Variants in TENM2 observed in about 807,000 individuals in gnomAD.
TENM2 encodes teneurin-2.
TENM2 carries 52 observed loss-of-function variants against 245.2 expected under a neutral mutation model. The ratio of observed to expected loss-of-function variants is 0.21; its 90% CI spans 0.17 to 0.27. The LOEUF (loss-of-function observed/expected upper bound fraction) is 0.27. TENM2 is among the 10% of genes least tolerant of loss of function. The probability of loss-of-function intolerance (pLI) is 1.00; values close to 1 mark genes in which losing one functional copy is unlikely to be tolerated. For missense variants in TENM2, 3,046 were observed against 3,666.8 expected (o/e 0.83, Z 4.37); for synonymous variants, 1,363 against 1,438.9 (o/e 0.95, Z 1.19).
chr5:167,649,630 G>A (rs935909408), intron 2 of TENM2, among the ~76,000 whole-genome samples: 9 of 152,086 alleles, frequency 5.9e-5, no homozygotes, highest in African/African-American at 1.9e-4. Context: ...AAGCGGTGCT[G>A]TAATGGGACT....
intron 2 of TENM2, among the ~76,000 whole-genome samples, chr5:167,820,373 C>T (rs138603751): frequency 6.6e-6 from 1 of 152,282 alleles, no homozygotes; most frequent in Admixed American, 6.5e-5. Context: ...TTTGTGCAGG[C>T]TTGCTGAGGA....
rs778080326 is a variant in TENM2 at position 168,215,088 on chromosome 5, C to A, written c.3894C>A (p.Gly1298=). The change falls in exon 21 of 29, where the codon GGC becomes GGA. Residue 1298 remains glycine, a synonymous_variant. Transcript: ENST00000518659. ...ACTTGGCAGTGGACCCCGTGTCCGG[C>A]TCGCTCTACGTGTCCGACACCAACA... 9 of 1,613,884 alleles carry A rather than the reference C, an allele frequency of 5.6e-6. No homozygotes were observed. The South Asian group carries it at 9.9e-5, about 18-fold the overall frequency.
intron 2 of TENM2, among the ~76,000 whole-genome samples, chr5:167,841,425 AC>A (rs1769506878): frequency 1.3e-5 from 2 of 152,122 alleles, no homozygotes; most frequent in Admixed American, 1.3e-4. Flanking sequence ...TGGAAAAAAC[AC>A]CCTTATGCCT....
At chr5:168,195,107 A>C in intron 14 of TENM2, 69 bp from the exon 17 acceptor site, 2 of 1,540,254 alleles carry the variant, frequency 1.3e-6, no homozygotes, top group Non-Finnish European at 1.8e-6. Flanking sequence ...ATGAGGGAGC[A>C]GAGGCAGTGG....
chr5:167,721,878 C>T, intron 2 of TENM2, among the ~76,000 whole-genome samples: 1 of 152,114 alleles, frequency 6.6e-6, no homozygotes, highest in South Asian at 2.1e-4. Flanking sequence ...CAAATGATTC[C>T]CCCCAAAATC....
chr5:167,992,614 G>A (rs1040759602), intron 4 of TENM2, among the ~76,000 whole-genome samples: 5 of 152,072 alleles, frequency 3.3e-5, no homozygotes, highest in Non-Finnish European at 5.9e-5. Flanking sequence ...AAAATAGTAG[G>A]TATCTAATAT....
rs369701878 is a variant in TENM2 at position 168,194,781 on chromosome 5, C to G, written c.2781-395C>G. On this transcript the variant is annotated intron_variant, in intron 14 of 28. Transcript: ENST00000518659. Reference sequence around the variant, plus strand: ...GCCTCTAGAAGAGTAACATGGCCATCCTCCAAAGCCAAAAAATGGAAATAA... The same window carrying G: ...GCCTCTAGAAGAGTAACATGGCCATGCTCCAAAGCCAAAAAATGGAAATAA... Among the ~76,000 whole-genome samples the G allele has an allele frequency of 3.3e-5, 5 of 152,064 alleles. No individual in the cohort carries two copies. In the East Asian group the frequency reaches 5.8e-4, roughly 18 times the overall value.
At chr5:168,259,477 A>G (rs573836661) in intron 27 of TENM2, among the ~76,000 whole-genome samples, 7 of 152,300 alleles carry the variant, frequency 4.6e-5, no homozygotes, top group African/African-American at 1.7e-4. Flanking sequence ...AATCCCAGCT[A>G]CTTGGGAGGC....
chr5:168,070,821 A>C (rs248005), intron 7 of TENM2, among the ~76,000 whole-genome samples: 3 of 100,350 alleles, frequency 3.0e-5, no homozygotes, highest in African/African-American at 1.0e-4. Flanking sequence ...GAGAGAGAGA[A>C]AAAAAGAAAG....
At chr5:167,066,487 C>G in the TENM2 span, among the ~76,000 whole-genome samples, 2 of 151,618 alleles carry the variant, frequency 1.3e-5, no homozygotes, top group Admixed American at 6.6e-5. Context: ...CCCATTAACT[C>G]GTCATTTAGC....
intron 2 of TENM2, among the ~76,000 whole-genome samples, chr5:167,788,187 T>C (rs1437145373): frequency 6.6e-6 from 1 of 152,170 alleles, no homozygotes; most frequent in African/African-American, 2.4e-5. Context: ...TGTTATTGAA[T>C]GACTTTGTAT....
chr5:167,714,393 C>T (rs1759115261), intron 2 of TENM2, among the ~76,000 whole-genome samples: 1 of 152,168 alleles, frequency 6.6e-6, no homozygotes, highest in African/African-American at 2.4e-5. Flanking sequence ...TCTGTTGTTT[C>T]GTGCATTGAG....
chr5:167,404,229 AG>A (rs34162018), intron 2 of TENM2, among the ~76,000 whole-genome samples: 62,703 of 151,536 alleles, frequency 0.41, 14,085 homozygotes, highest in Non-Finnish European at 0.49. Flanking sequence ...GAGGCACTGG[AG>A]GTGTTTGAGA....
the TENM2 span, among the ~76,000 whole-genome samples, chr5:167,068,397 A>G: frequency 6.6e-4 from 101 of 152,342 alleles, 1 homozygote; most frequent in African/African-American, 2.3e-3. Flanking sequence ...CACATGCGTT[A>G]TTGTAAATTT....
chr5:167,801,284 C>G (rs1432891787), intron 2 of TENM2, among the ~76,000 whole-genome samples: 1 of 151,304 alleles, frequency 6.6e-6, no homozygotes, highest in African/African-American at 2.4e-5. Flanking sequence ...TTGAAAATTT[C>G]TTGGTGGCTG....
chr5:167,689,212 G>T (rs1479452752), intron 2 of TENM2, among the ~76,000 whole-genome samples: 1 of 152,192 alleles, frequency 6.6e-6, no homozygotes, highest in Admixed American at 6.5e-5. Context: ...CACCAGTGAA[G>T]GGAGAGTGGG....
the TENM2 span, among the ~76,000 whole-genome samples, chr5:167,016,502 A>G: frequency 1.3e-5 from 2 of 152,196 alleles, no homozygotes; most frequent in African/African-American, 2.4e-5. Flanking sequence ...TTGACTTTAC[A>G]TTAGCAAGCA....
chr5:168,155,039 G>C (rs953260885), intron 12 of TENM2, among the ~76,000 whole-genome samples: 67 of 152,316 alleles, frequency 4.4e-4, no homozygotes, highest in African/African-American at 1.6e-3. Flanking sequence ...GCACACACGG[G>C]CAAGCAAGAG....
At chr5:167,470,140 G>GA (rs1766921942) in intron 2 of TENM2, among the ~76,000 whole-genome samples, 1 of 152,058 alleles carries the variant, frequency 6.6e-6, no homozygotes. Context: ...TTTTCAGAAT[G>GA]AAATGGAACC....
Sources: allele counts gnomAD v4.1 joint callset (sites outside exome capture counted in the v4.1 genomes callset), GRCh38; gene constraint gnomAD v4.1.1; transcripts MANE v1.5; gene names NCBI Gene and HGNC (gene_info 2026-07-23, HGNC 2026-07-21).